DNM2: variants seen among roughly 807,000 people sequenced by gnomAD.
DNM2 encodes dynamin-2.
A neutral mutation model predicts 99.0 loss-of-function variants in DNM2; 15 were observed. The ratio of observed to expected loss-of-function variants is 0.15; its 90% CI spans 0.10 to 0.23. DNM2 has a LOEUF of 0.23. Among genes scored for constraint, DNM2 ranks in the 10% least tolerant of loss-of-function variants. The pLI, the probability that DNM2 is intolerant of heterozygous loss-of-function variation, is 1.00. For missense variants in DNM2, 742 were observed against 1,189.4 expected (o/e 0.62, Z 5.53); for synonymous variants, 525 against 481.2 (o/e 1.09, Z -1.19).
intron 16 of DNM2, among the ~76,000 whole-genome samples, chr19:10,821,250 CT>C (rs1256199208): frequency 3.9e-5 from 6 of 152,196 alleles, no homozygotes; most frequent in African/African-American, 1.2e-4. Context: ...CATATGACAC[CT>C]GGCAGCTGTC....
chr19:10,749,950 A>G (rs1278833399), intron 1 of DNM2, among the ~76,000 whole-genome samples: 2 of 152,220 alleles, frequency 1.3e-5, no homozygotes, highest in Non-Finnish European at 2.9e-5. Flanking sequence ...GAAGGCCAGC[A>G]GTGCCAGAGA....
intron 7 of DNM2, among the ~76,000 whole-genome samples, chr19:10,790,756 C>T (rs1015187339): frequency 1.3e-5 from 2 of 152,154 alleles, no homozygotes; most frequent in African/African-American, 4.8e-5. Context: ...GCATGAGCCA[C>T]CATGCCCGGA....
intron 3 of DNM2, among the ~76,000 whole-genome samples, chr19:10,773,449 A>AT (rs71164121): frequency 1.1e-4 from 14 of 124,404 alleles, no homozygotes; most frequent in Non-Finnish European, 2.1e-4. Flanking sequence ...GCCCGGCCAA[A>AT]TTTTTTTTTT....
chr19:10,744,644 T>C (rs2069895269), intron 1 of DNM2, among the ~76,000 whole-genome samples: 1 of 152,180 alleles, frequency 6.6e-6, no homozygotes, highest in Non-Finnish European at 1.5e-5. Context: ...CATACATGGC[T>C]GACCACCCTG....
Position 10,786,610 on chromosome 19 carries a change from A to G in DNM2, c.896A>G (p.Lys299Arg), listed in dbSNP as rs1428094604. 1.2e-6 allele frequency: 2 copies of G among 1,614,120 alleles called. No individual in the cohort carries two copies. The highest frequency in any genetic ancestry group is 1.7e-6 in the Non-Finnish European group (2 of 1,180,024). The stretch of plus-strand genomic sequence containing the variant: ...GAGTCGCTGCCGGCCCTACGTAGCA[A>G]ACTACAGAGCCAGCTGCTGTCCCTG... ...IRESLPALRSKLQSQLLSLEK... is the reference protein window; with the variant it reads ...IRESLPALRSRLQSQLLSLEK... Residue 299 changes from lysine (K) to arginine (R), a missense_variant, in exon 7 of 21, where the codon AAA becomes AGA. By Grantham distance (26) the Lys-to-Arg change is conservative. This residue lies in a region of DNM2 where 44 missense variants were observed against 41.3 expected (regional missense o/e 1.06). Coordinates refer to ENST00000389253, the MANE Select transcript of DNM2 (RefSeq NM_001005361.3).
chr19:10,730,735 G>T (rs181913778), intron 1 of DNM2, among the ~76,000 whole-genome samples: 3 of 152,316 alleles, frequency 2.0e-5, no homozygotes, highest in African/African-American at 4.8e-5. Context: ...GGCTTCGAGG[G>T]CTGTAAGATG....
intron 1 of DNM2, among the ~76,000 whole-genome samples, chr19:10,720,825 T>C (rs1247603553): frequency 6.6e-6 from 1 of 152,206 alleles, no homozygotes; most frequent in Non-Finnish European, 1.5e-5. Context: ...TCTGGCTGGT[T>C]CCTTTGCTAT....
intron 1 of DNM2, among the ~76,000 whole-genome samples, chr19:10,722,847 G>A (rs1292499458): frequency 6.6e-6 from 1 of 150,982 alleles, no homozygotes; most frequent in East Asian, 2.0e-4. Flanking sequence ...GGCTGGTCTC[G>A]ACCTCCTCGC....
chr19:10,730,785 G>A (rs2069285733), intron 1 of DNM2, among the ~76,000 whole-genome samples: 1 of 152,242 alleles, frequency 6.6e-6, no homozygotes, highest in Non-Finnish European at 1.5e-5. Context: ...GTGAGGCCCT[G>A]TATGGCAACC....
chr19:10,799,414 G>A (rs927009905), intron 11 of DNM2, among the ~76,000 whole-genome samples: 1 of 150,818 alleles, frequency 6.6e-6, no homozygotes, highest in African/African-American at 2.4e-5. Context: ...GTTGTTTGTT[G>A]TATCTGTAGT....
At chr19:10,782,806 G>A (rs372046097) in intron 5 of DNM2, among the ~76,000 whole-genome samples, 154 bp from the exon 6 acceptor site, 1 of 152,126 alleles carries the variant, frequency 6.6e-6, no homozygotes. Flanking sequence ...ATGTGCATTC[G>A]CACCCTCTGT....
intron 15 of DNM2, among the ~76,000 whole-genome samples, chr19:10,813,261 G>A (rs970757938): frequency 6.6e-6 from 1 of 152,188 alleles, no homozygotes; most frequent in Non-Finnish European, 1.5e-5. Flanking sequence ...AGTCATGGGA[G>A]GGACTCGTTC....
At chr19:10,793,274 G>A (rs1175376115) in intron 7 of DNM2, among the ~76,000 whole-genome samples, 1 of 152,212 alleles carries the variant, frequency 6.6e-6, no homozygotes, top group African/African-American at 2.4e-5. Flanking sequence ...GCAAAGTCCT[G>A]TCCAAGGCCT....
chr19:10,731,952 GA>G (rs2069335657), intron 1 of DNM2, among the ~76,000 whole-genome samples: 1 of 148,728 alleles, frequency 6.7e-6, no homozygotes, highest in Non-Finnish European at 1.5e-5. Context: ...GCACAGGCTT[GA>G]TTTTTTTTTT....
At chr19:10,782,428 G>C (rs1181879584) in intron 5 of DNM2, among the ~76,000 whole-genome samples, 1 of 148,148 alleles carries the variant, frequency 6.8e-6, no homozygotes, top group Non-Finnish European at 1.5e-5. Context: ...GCATGATCTT[G>C]GCTCACTGCA....
At chr19:10,777,491 C>G (rs1271227345) in intron 5 of DNM2, among the ~76,000 whole-genome samples, 1 of 152,192 alleles carries the variant, frequency 6.6e-6, no homozygotes, top group Non-Finnish European at 1.5e-5. Flanking sequence ...ACACTTCCCC[C>G]AGACAGCCAC....
chr19:10,773,046 C>A (rs2071033160), intron 3 of DNM2, among the ~76,000 whole-genome samples: 1 of 142,574 alleles, frequency 7.0e-6, no homozygotes, highest in African/African-American at 2.6e-5. Context: ...GTGGTGTGAT[C>A]TCTGCTCGCT....
At chr19:10,732,970 G>A (rs1201457240) in intron 1 of DNM2, among the ~76,000 whole-genome samples, 1 of 151,146 alleles carries the variant, frequency 6.6e-6, no homozygotes, top group Admixed American at 6.6e-5. Flanking sequence ...TGCAAGCTCC[G>A]CCTCCCAGGT....
intron 5 of DNM2, chr19:10,781,569 T>A (rs2071374867): frequency 6.6e-6 from 1 of 152,002 alleles, no homozygotes; most frequent in South Asian, 2.1e-4. Context: ...GATCATGAGG[T>A]CAGGAGTTCG....
Sources: gnomAD v4.1 joint callset for allele counts (sites outside exome capture counted in the v4.1 genomes callset) on GRCh38, gnomAD v4.1.1 for gene constraint, gnomAD v4.1.1 regional missense constraint, MANE v1.5 for transcripts, NCBI Gene and HGNC (gene_info 2026-07-23, HGNC 2026-07-21) for gene names.